The following DCC variants were observed in gnomAD, a reference collection of about 807,000 sequenced individuals.
DCC encodes DCC netrin 1 receptor, also known as netrin receptor DCC.
DCC carries 58 observed loss-of-function variants against 172.5 expected under a neutral mutation model. The observed-to-expected ratio is 0.34, with a 90% confidence interval of 0.27 to 0.42. The LOEUF is 0.42. Ranked by LOEUF, DCC falls within the 10% of genes least tolerant of loss-of-function variation. DCC has a pLI of 1.00. For synonymous variants in DCC, 709 were observed against 644.5 expected, an observed-to-expected ratio of 1.10 and a Z score of -1.52; for missense variants, 1,740 against 1,791.0, an observed-to-expected ratio of 0.97 and a Z score of 0.51.
chr18:53,454,933 G>A (rs2045465417), intron 23 of DCC, among the ~76,000 whole-genome samples: 1 of 151,992 alleles, frequency 6.6e-6, no homozygotes, highest in South Asian at 2.1e-4. Flanking sequence ...TTGAGTATCT[G>A]GAATTTGACC....
intron 1 of DCC, among the ~76,000 whole-genome samples, chr18:52,566,445 C>T (rs1384508674): frequency 6.6e-6 from 1 of 151,978 alleles, no homozygotes; most frequent in African/African-American, 2.4e-5. Flanking sequence ...TGCAGCAAAC[C>T]ACCATGGCAC....
chr18:53,446,106 A>AG (rs1163928621), intron 22 of DCC, among the ~76,000 whole-genome samples: 1 of 143,540 alleles, frequency 7.0e-6, no homozygotes, highest in African/African-American at 2.6e-5. Flanking sequence ...TACAAAAAAA[A>AG]AAAAAAAACA....
chr18:52,530,738 A>G (rs554718893), intron 1 of DCC, among the ~76,000 whole-genome samples: 1 of 152,342 alleles, frequency 6.6e-6, no homozygotes, highest in Admixed American at 6.5e-5. Flanking sequence ...GCATCCAAAA[A>G]CATATTCAGA....
intron 2 of DCC, among the ~76,000 whole-genome samples, chr18:52,817,448 T>C (rs2038321175): frequency 6.6e-6 from 1 of 152,162 alleles, no homozygotes; most frequent in South Asian, 2.1e-4. Context: ...TATAAAATTA[T>C]AAATGATTTG....
In DCC at chr18:52,664,595, C is replaced by A. The variant is rs542561812; in HGVS notation, c.92-87459C>A. On this transcript the variant is annotated intron_variant, in intron 1 of 28. Transcript: ENST00000442544. The stretch of plus-strand genomic sequence containing the variant: ...ACGCCATTCTCCTGCCTCAGCCTCC[C>A]GAGTAGCTGGGACTACAGGCGCCCG... Among the ~76,000 whole-genome samples the A allele has an allele frequency of 4.5e-3, 681 of 151,094 alleles. 4 individuals are homozygous for A. The highest frequency in any genetic ancestry group is 7.8e-3 in the Non-Finnish European group (528 of 67,768).
chr18:53,251,537 C>G (rs947563880), intron 12 of DCC, among the ~76,000 whole-genome samples: 4 of 151,924 alleles, frequency 2.6e-5, no homozygotes, highest in Non-Finnish European at 5.9e-5. Context: ...CAAACCTCAG[C>G]TCAAATGGAG....
intron 2 of DCC, among the ~76,000 whole-genome samples, chr18:52,828,570 T>C (rs1435264860): frequency 6.6e-6 from 1 of 152,132 alleles, no homozygotes; most frequent in Non-Finnish European, 1.5e-5. Context: ...TAAAAATAGT[T>C]TGATAGTCTT....
intron 12 of DCC, among the ~76,000 whole-genome samples, chr18:53,219,337 T>C (rs2055897183): frequency 6.6e-6 from 1 of 152,134 alleles, no homozygotes; most frequent in African/African-American, 2.4e-5. Flanking sequence ...TCAACCATTT[T>C]ACTGTTAAAG....
intron 27 of DCC, among the ~76,000 whole-genome samples, chr18:53,522,281 G>GA (rs11336516): frequency 0.05 from 6,951 of 139,758 alleles, 216 homozygotes; most frequent in Non-Finnish European, 0.065. Context: ...CAGAAGTTTG[G>GA]AAAAAAAAAA....
intron 7 of DCC, among the ~76,000 whole-genome samples, chr18:53,087,406 A>G (rs958251763): frequency 1.1e-4 from 16 of 151,738 alleles, no homozygotes; most frequent in African/African-American, 3.1e-4. Context: ...TCTTCTTTTG[A>G]GAAGTGTCTG....
intron 5 of DCC, chr18:52,934,662 C>T (rs2040356163): frequency 6.6e-6 from 1 of 152,088 alleles, no homozygotes. Context: ...GAAATCCTAA[C>T]CCCCAATGTG....
At position 52,881,336 on chromosome 18, in the gene DCC, C is replaced by A. The variant is rs187371040; in HGVS notation, c.413-24708C>A. ...TTCATGTTGACTGTTCTTTGCCAAGCAGAAGCTGTATAACTTGATGTGACC... is the reference window on the plus strand; with the variant it reads ...TTCATGTTGACTGTTCTTTGCCAAGAAGAAGCTGTATAACTTGATGTGACC... On this transcript the variant is annotated intron_variant, in intron 2 of 28. Transcript: ENST00000442544. Among the ~76,000 whole-genome samples, 255 of 151,950 alleles carry A rather than the reference C, an allele frequency of 1.7e-3. 2 individuals are homozygous for A. The Middle Eastern group carries it at 0.017, about 10-fold the overall frequency.
chr18:52,528,185 A>G (rs529075853), intron 1 of DCC, among the ~76,000 whole-genome samples: 1 of 152,320 alleles, frequency 6.6e-6, no homozygotes, highest in African/African-American at 2.4e-5. Context: ...CAAAACAAAA[A>G]CAACTTTCTT....
At chr18:52,709,760 C>A (rs749606421) in intron 1 of DCC, among the ~76,000 whole-genome samples, 1 of 152,000 alleles carries the variant, frequency 6.6e-6, no homozygotes, top group Non-Finnish European at 1.5e-5. Context: ...AAATGGACTT[C>A]GAAACCATTA....
At chr18:52,444,518 C>T (rs1476265313) in intron 1 of DCC, among the ~76,000 whole-genome samples, 1 of 152,080 alleles carries the variant, frequency 6.6e-6, no homozygotes, top group Non-Finnish European at 1.5e-5. Context: ...AAGGTCGAGA[C>T]AAAAGCACAC....
intron 1 of DCC, among the ~76,000 whole-genome samples, chr18:52,712,854 T>C (rs892267378): frequency 3.3e-5 from 5 of 152,076 alleles, no homozygotes; most frequent in Admixed American, 6.6e-5. Context: ...AAGGGCTGAG[T>C]GTGTAGAGTT....
intron 2 of DCC, among the ~76,000 whole-genome samples, chr18:52,891,799 T>C (rs1167364194): frequency 1.3e-5 from 2 of 152,094 alleles, no homozygotes; most frequent in East Asian, 3.9e-4. Flanking sequence ...CTTTCTTCCA[T>C]CCCACTATTA....
At chr18:52,511,010 C>G (rs1195159314) in intron 1 of DCC, among the ~76,000 whole-genome samples, 45 of 152,102 alleles carry the variant, frequency 3.0e-4, no homozygotes, top group Non-Finnish European at 1.5e-5. Context: ...ACTAATTTGT[C>G]TCTAAGTTTT....
chr18:52,401,110 A>G (rs1986422230), intron 1 of DCC, among the ~76,000 whole-genome samples: 1 of 151,426 alleles, frequency 6.6e-6, no homozygotes, highest in Non-Finnish European at 1.5e-5. Flanking sequence ...TAATAATGAT[A>G]AATAATAATA....
Sources: allele counts gnomAD v4.1 joint callset (sites outside exome capture counted in the v4.1 genomes callset), GRCh38; gene constraint gnomAD v4.1.1; transcripts MANE v1.5; gene names NCBI Gene and HGNC (gene_info 2026-07-23, HGNC 2026-07-21).